The following SPOCK1 variants were observed in gnomAD, a reference collection of about 807,000 sequenced individuals.
SPOCK1 encodes the protein testican-1.
A neutral mutation model predicts 55.3 loss-of-function variants in SPOCK1; 23 were observed. That is an observed-to-expected ratio of 0.42 (90% CI 0.30 to 0.59). The LOEUF (loss-of-function observed/expected upper bound fraction) is 0.59, where lower values mean the gene tolerates loss of function less well. Among genes scored for constraint, SPOCK1 ranks in the 20% least tolerant of loss-of-function variants. SPOCK1 has a pLI of 0.22. For missense variants in SPOCK1, 499 were observed against 552.5 expected, an observed-to-expected ratio of 0.90 and a Z score of 0.97; for synonymous variants, 226 against 221.0, an observed-to-expected ratio of 1.02 and a Z score of -0.20.
chr5:137,300,375 T>C (rs1416920990), intron 2 of SPOCK1, among the ~76,000 whole-genome samples: 1 of 152,252 alleles, frequency 6.6e-6, no homozygotes, highest in African/African-American at 2.4e-5. Context: ...CAGTTTCATC[T>C]AATTGTCTAA....
intron 1 of SPOCK1, 85 bp downstream of exon 1, chr5:137,499,094 G>A (rs190252560): frequency 6.6e-6 from 1 of 152,442 alleles, no homozygotes; most frequent in Non-Finnish European, 1.5e-5. Flanking sequence ...GTAACCCCAG[G>A]CCCTGACCCT....
chr5:137,425,528 CAATAT>C (rs1242103961), intron 2 of SPOCK1, among the ~76,000 whole-genome samples: 1 of 152,038 alleles, frequency 6.6e-6, no homozygotes, highest in Non-Finnish European at 1.5e-5. Context: ...TGCTGAATCA[CAATAT>C]AACACAGCAC....
rs1315597321 is a variant in SPOCK1, at chr5:136,985,220, A to G, written c.929-18T>C. 2 of 1,611,746 alleles carry G rather than the reference A, an allele frequency of 1.2e-6. No homozygotes were observed. Among genetic ancestry groups the G allele is most frequent in the East Asian group, 2.2e-5 (1 of 44,870 alleles). On this transcript the variant is annotated intron_variant, in intron 8 of 10. Coordinates refer to ENST00000394945, the MANE Select transcript of SPOCK1 (RefSeq NM_004598.4). The stretch of plus-strand genomic sequence containing the variant: ...AGGGAGACCTAAAAAATAATTTCTG[A>G]AAGTCAGCTTCCAGATGGTATGGAG...
intron 3 of SPOCK1, among the ~76,000 whole-genome samples, chr5:137,155,840 C>T (rs537493845): frequency 1.3e-5 from 2 of 152,200 alleles, no homozygotes; most frequent in Non-Finnish European, 2.9e-5. Context: ...GGGCAAGAGG[C>T]CCTTGATGCC....
chr5:137,041,857 A>C (rs952007288), intron 6 of SPOCK1, among the ~76,000 whole-genome samples: 15 of 152,200 alleles, frequency 9.9e-5, no homozygotes, highest in African/African-American at 3.6e-4. Context: ...TGCTGCTGGA[A>C]ATGCAAAATG....
At chr5:136,978,937 A>G in intron 10 of SPOCK1, 93 bp from the exon 11 acceptor site, 1 of 1,344,048 alleles carries the variant, frequency 7.4e-7, no homozygotes, top group Non-Finnish European at 1.0e-6. Context: ...GGGTAAAACC[A>G]AGCAGTTTAC....
At chr5:137,452,946 T>C (rs1019671300) in intron 2 of SPOCK1, among the ~76,000 whole-genome samples, 2 of 152,198 alleles carry the variant, frequency 1.3e-5, no homozygotes, top group African/African-American at 4.8e-5. Context: ...CCTAAGAATT[T>C]TCTAGGGCAC....
chr5:137,451,474 A>T (rs948914491), intron 2 of SPOCK1, among the ~76,000 whole-genome samples: 1 of 152,194 alleles, frequency 6.6e-6, no homozygotes. Context: ...GTGACAATAA[A>T]CACCAACAGA....
chr5:137,443,168 G>A (rs183548398), intron 2 of SPOCK1, among the ~76,000 whole-genome samples: 221 of 152,012 alleles, frequency 1.5e-3, no homozygotes, highest in Non-Finnish European at 2.5e-3. Context: ...ATTTAAACTC[G>A]GAGCCCCTAA....
At position 137,024,218 on chromosome 5, in the gene SPOCK1, A is replaced by G. The variant is rs74780336; in HGVS notation, c.590-31618T>C. 9.0e-3 allele frequency among the ~76,000 whole-genome samples: 1,345 copies of G among 148,990 alleles called. 23 individuals are homozygous for G. Among genetic ancestry groups the G allele is most frequent in the African/African-American group, 0.031 (1,275 of 40,690 alleles). On this transcript the variant is annotated intron_variant, in intron 6 of 10. Coordinates refer to ENST00000394945, the MANE Select transcript of SPOCK1 (RefSeq NM_004598.4). ...TGATAAGGTTAGCACAGAATGAGAGAGTGCGGCCGAGGGTGACGGGTGTAA... is the reference window on the plus strand; with the variant it reads ...TGATAAGGTTAGCACAGAATGAGAGGGTGCGGCCGAGGGTGACGGGTGTAA...
At chr5:137,315,284 G>C (rs1377876032) in intron 2 of SPOCK1, among the ~76,000 whole-genome samples, 1 of 152,194 alleles carries the variant, frequency 6.6e-6, no homozygotes. Flanking sequence ...GTACTCCATG[G>C]AACTGTAATT....
At chr5:137,475,470 T>C (rs1000826312) in intron 2 of SPOCK1, among the ~76,000 whole-genome samples, 2 of 152,214 alleles carry the variant, frequency 1.3e-5, no homozygotes, top group African/African-American at 4.8e-5. Flanking sequence ...GAAATTTTAA[T>C]GCAAACTTGA....
At chr5:137,350,562 T>C (rs530060560) in intron 2 of SPOCK1, among the ~76,000 whole-genome samples, 1 of 151,984 alleles carries the variant, frequency 6.6e-6, no homozygotes, top group Non-Finnish European at 1.5e-5. Context: ...GCAGGGGAAA[T>C]GTCTAGAAGG....
chr5:137,087,237 C>G lies in SPOCK1; in HGVS notation c.475-19408G>C, dbSNP rs961982388. Reference sequence around the variant, plus strand: ...CACTAGGTGGGCTCCCTTCCTCTCTCAAGGTGAAAGCCACATGTGCAGCTG... The same window carrying G: ...CACTAGGTGGGCTCCCTTCCTCTCTGAAGGTGAAAGCCACATGTGCAGCTG... On this transcript the variant is annotated intron_variant, in intron 5 of 10. Coordinates refer to ENST00000394945, the MANE Select transcript of SPOCK1 (RefSeq NM_004598.4). Among the ~76,000 whole-genome samples, 8 of 152,142 alleles carry G rather than the reference C, an allele frequency of 5.3e-5. No homozygotes were observed. The East Asian group carries it at 1.5e-3, about 29-fold the overall frequency.
At chr5:137,243,629 C>A (rs1461840355) in intron 3 of SPOCK1, among the ~76,000 whole-genome samples, 1 of 152,176 alleles carries the variant, frequency 6.6e-6, no homozygotes, top group Non-Finnish European at 1.5e-5. Context: ...CTGTCCAAAT[C>A]TACTATTACA....
intron 2 of SPOCK1, among the ~76,000 whole-genome samples, chr5:137,364,498 G>C (rs771710898): frequency 1.3e-5 from 2 of 152,190 alleles, no homozygotes; most frequent in Non-Finnish European, 1.5e-5. Flanking sequence ...GCAGAACAAA[G>C]AGCTTTTTGC....
intron 4 of SPOCK1, among the ~76,000 whole-genome samples, chr5:137,129,360 C>T (rs1753832505): frequency 6.6e-6 from 1 of 152,182 alleles, no homozygotes. Flanking sequence ...TTCTTGCCCG[C>T]TACACAGAGA....
chr5:137,471,015 G>A (rs1016585361), intron 2 of SPOCK1, among the ~76,000 whole-genome samples: 16 of 152,186 alleles, frequency 1.1e-4, no homozygotes, highest in Non-Finnish European at 2.1e-4. Context: ...AGAGTAATAC[G>A]AGTTAATTGT....
chr5:137,309,546 T>C (rs1029791380), intron 2 of SPOCK1, among the ~76,000 whole-genome samples: 3 of 152,228 alleles, frequency 2.0e-5, no homozygotes, highest in Admixed American at 6.5e-5. Context: ...TCTTGGGACA[T>C]GCACTAAACA....
Sources: gnomAD v4.1 joint callset for allele counts (sites outside exome capture counted in the v4.1 genomes callset) on GRCh38, gnomAD v4.1.1 for gene constraint, MANE v1.5 for transcripts, NCBI Gene and HGNC (gene_info 2026-07-23, HGNC 2026-07-21) for gene names.